TTL: variants seen among roughly 807,000 people sequenced by gnomAD.
The protein encoded by TTL is tubulin--tyrosine ligase.
Under a neutral mutation model 41.1 loss-of-function variants are expected in TTL, and 10 were observed. The observed-to-expected ratio is 0.24, with a 90% CI of 0.15 to 0.41. The LOEUF is 0.41. Ranked by LOEUF, TTL falls within the 10% of genes least tolerant of loss-of-function variation. The pLI is 1.00. For synonymous variants in TTL, 175 were observed against 175.5 expected, an observed-to-expected ratio of 1.00 and a Z score of 0.02; for missense variants, 367 against 460.4, an observed-to-expected ratio of 0.80 and a Z score of 1.86.
intron 2 of TTL, among the ~76,000 whole-genome samples, chr2:112,489,232 T>C (rs1456697125): frequency 6.6e-6 from 1 of 152,260 alleles, no homozygotes; most frequent in Non-Finnish European, 1.5e-5. Flanking sequence ...CTAATGTGAA[T>C]TTTACATATG....
Position 112,528,877 on chromosome 2 carries a change from C to G in TTL, c.*82C>G. Reference sequence around the variant, plus strand: ...TGAAATGACTGGATTGCTCTTTATCCAGCCCACAGCAGGGGAAAGAAAGGC... The same window carrying G: ...TGAAATGACTGGATTGCTCTTTATCGAGCCCACAGCAGGGGAAAGAAAGGC... On this transcript the variant is annotated 3_prime_UTR_variant, in exon 7 of 7. Transcript: ENST00000233336. 1 of 1,125,916 alleles carries G rather than the reference C, an allele frequency of 8.9e-7. No individual in the cohort carries two copies. The highest frequency in any genetic ancestry group is 1.3e-6 in the Non-Finnish European group (1 of 743,820). The allele number at this position is 1,125,916 out of a possible 1,614,324, so 69.7% of individuals were successfully genotyped here. A position where few individuals can be genotyped will look rare whatever the true frequency, so the allele number is the denominator to read the frequency against.
At chr2:112,489,191 AT>A (rs1450452365) in intron 2 of TTL, among the ~76,000 whole-genome samples, 1 of 152,222 alleles carries the variant, frequency 6.6e-6, no homozygotes, top group African/African-American at 2.4e-5. Context: ...AAGCTATTAT[AT>A]TTTACGTTCT....
At chr2:112,526,815 C>T (rs1574074102) in intron 6 of TTL, among the ~76,000 whole-genome samples, 1 of 152,236 alleles carries the variant, frequency 6.6e-6, no homozygotes, top group Middle Eastern at 3.4e-3. Context: ...TTAGTTATTT[C>T]TTGCCTTCTG....
At position 112,540,442 on chromosome 2, in the gene TTL, A is replaced by AC. The variant is rs1002510320; in HGVS notation, c.*11647_*11648insC. ...TCAAAAAAACAAAAAACAAAAAAAA[A>AC]AAAAAAAGAGAAAGAAATTGACAAG... is the stretch of plus-strand genomic sequence containing the variant. On this transcript the variant is annotated 3_prime_UTR_variant, in exon 7 of 7. Transcript: ENST00000233336. 1 of 128,356 alleles carries AC rather than the reference A, an allele frequency of 7.8e-6. No homozygotes were observed. The highest frequency in any genetic ancestry group is 2.5e-5 in the African/African-American group (1 of 40,646). The allele number at this position is 128,356 out of a possible 1,614,324, so 8.0% of individuals were successfully genotyped here. A position where few individuals can be genotyped will look rare whatever the true frequency, so the allele number is the denominator to read the frequency against.
At chr2:112,502,781 C>T in intron 4 of TTL, 131 bp from the exon 5 acceptor site, 1 of 893,356 alleles carries the variant, frequency 1.1e-6, no homozygotes, top group South Asian at 2.3e-5. Flanking sequence ...GTTTTAGAAA[C>T]TTCCTCCTTC....
At chr2:112,497,794 A>G (rs1432125332) in intron 3 of TTL, among the ~76,000 whole-genome samples, 2 of 152,176 alleles carry the variant, frequency 1.3e-5, no homozygotes, top group African/African-American at 4.8e-5. Flanking sequence ...TTATAAAGAA[A>G]GCATGAGATC....
chr2:112,509,342 C>T (rs1376097430), intron 5 of TTL, among the ~76,000 whole-genome samples: 1 of 151,700 alleles, frequency 6.6e-6, no homozygotes, highest in African/African-American at 2.4e-5. Flanking sequence ...GTGGGCTCCA[C>T]CCAGTTCGAG....
At chr2:112,528,603 C>A in intron 6 of TTL, 78 bp from the exon 7 acceptor site, 1 of 1,299,498 alleles carries the variant, frequency 7.7e-7, no homozygotes, top group East Asian at 2.4e-5. Context: ...AACCCTGTCT[C>A]AAAAACAAAA....
rs1341705000 is a variant in TTL at position 112,539,106 on chromosome 2, C to T, written c.*10311C>T. On this transcript the variant is annotated 3_prime_UTR_variant, in exon 7 of 7. Transcript: ENST00000233336. ...CACTCCAGCCTGGGTGACAGAGACT[C>T]TGTCTAAAAAAAAAAAAAAAAAAAA... 1 of 117,374 alleles carries T rather than the reference C, an allele frequency of 8.5e-6. No individual in the cohort carries two copies. Among genetic ancestry groups the T allele is most frequent in the African/African-American group, 3.5e-5 (1 of 28,266 alleles). 7.3% of individuals were successfully genotyped at this position (117,374 alleles called of 1,614,324 possible).
At chr2:112,496,669 G>C (rs1241629515) in intron 3 of TTL, among the ~76,000 whole-genome samples, 1 of 83,746 alleles carries the variant, frequency 1.2e-5, no homozygotes, top group Non-Finnish European at 2.4e-5. Flanking sequence ...ATGTGTCTGT[G>C]TGTGTGTGTG....
In TTL at chr2:112,501,262, C is replaced by G; in HGVS notation, c.526C>G (p.Gln176Glu). 1.2e-6 allele frequency: 2 copies of G among 1,613,772 alleles called. No individual in the cohort carries two copies. Among genetic ancestry groups the G allele is most frequent in the South Asian group, 1.1e-5 (1 of 91,054 alleles). Residue 176 changes from glutamine (Q) to glutamate (E), a missense_variant, in exon 4 of 7, where the codon CAG (glutamine) becomes GAG (glutamate). Coordinates refer to ENST00000233336, the MANE Select transcript of TTL (RefSeq NM_153712.5). ...AGAGCTTCTCGATTTCATAGACAACCAGGGCCAAGTGCACGTGATCCAGAA... is the reference window on the plus strand; with the variant it reads ...AGAGCTTCTCGATTTCATAGACAACGAGGGCCAAGTGCACGTGATCCAGAA... The part of the protein sequence containing the change: ...ASELLDFIDN[Q>E]GQVHVIQKYL...
chr2:112,525,927 C>T lies in TTL; in HGVS notation c.1020-2754C>T, dbSNP rs557361255. On this transcript the variant is annotated intron_variant, in intron 6 of 6. Transcript: ENST00000233336. ...AGTATGATATTGGCTGTGGGTTTGT[C>T]ATAGATAGCTCTTATTATTTTGAGA... Among the ~76,000 whole-genome samples the T allele has an allele frequency of 2.2e-3, 330 of 152,254 alleles. 2 individuals are homozygous for T. The highest frequency in any genetic ancestry group is 7.1e-3 in the African/African-American group (295 of 41,552).
intron 2 of TTL, among the ~76,000 whole-genome samples, chr2:112,490,878 T>C (rs1416524541): frequency 6.6e-6 from 1 of 152,068 alleles, no homozygotes; most frequent in Non-Finnish European, 1.5e-5. Context: ...CAGCCATAAA[T>C]CCATATTTTA....
Position 112,482,317 on chromosome 2 carries a change from CGGCGGCCCGG to C in TTL, c.-26_-17del. ...CCGCCTGGTCCCTGCGGCGGCTGCC[CGGCGGCCCGG>C]GCGCGCGGCGCTTCGCCATGTACAC... is the stretch of plus-strand genomic sequence containing the variant. On this transcript the variant is annotated 5_prime_UTR_variant, in exon 1 of 7. Coordinates refer to ENST00000233336, the MANE Select transcript of TTL (RefSeq NM_153712.5). The surrounding 1 kb of genome is among the most constrained non-coding windows in gnomAD (Gnocchi z 5.3). 6.8e-7 allele frequency: 1 copy of C among 1,465,812 alleles called. No individual in the cohort carries two copies. Among genetic ancestry groups the C allele is most frequent in the African/African-American group, 1.5e-5 (1 of 67,790 alleles). 90.8% of individuals were successfully genotyped at this position (1,465,812 alleles called of 1,614,324 possible).
chr2:112,523,332 C>T (rs6718503), intron 6 of TTL, among the ~76,000 whole-genome samples: 137,498 of 150,758 alleles, frequency 0.91, 63,506 homozygotes, highest in East Asian at 1. Context: ...AAGAAACTGT[C>T]TGTGGGTGTG....
chr2:112,505,600 G>C (rs1681791025), intron 5 of TTL, among the ~76,000 whole-genome samples: 1 of 2,958 alleles, frequency 3.4e-4, no homozygotes, highest in South Asian at 0.017. Context: ...GTTCACCCAT[G>C]ATTTGGCTCT....
Position 112,529,229 on chromosome 2 carries a change from C to G in TTL, c.*434C>G, listed in dbSNP as rs1682445850. On this transcript the variant is annotated 3_prime_UTR_variant, in exon 7 of 7. Transcript: ENST00000233336. ...TTGCCTGTGTGTTCCCCACCCATCCCTTCGGTAACACTCTGCCACACTAAG... is the reference window on the plus strand; with the variant it reads ...TTGCCTGTGTGTTCCCCACCCATCCGTTCGGTAACACTCTGCCACACTAAG... 16 of 283,674 alleles carry G rather than the reference C, an allele frequency of 5.6e-5. No individual in the cohort carries two copies. The East Asian group carries it at 8.4e-4, about 15-fold the overall frequency. 17.6% of individuals were successfully genotyped at this position (283,674 alleles called of 1,614,324 possible). A position where few individuals can be genotyped will look rare whatever the true frequency, so the allele number is the denominator to read the frequency against.
At position 112,535,086 on chromosome 2, in the gene TTL, GAA is replaced by G. The variant is rs1344752941; in HGVS notation, c.*6296_*6297del. On this transcript the variant is annotated 3_prime_UTR_variant, in exon 7 of 7. Coordinates refer to ENST00000233336, the MANE Select transcript of TTL (RefSeq NM_153712.5). ...GAAAAAAGAGAAAGAAGAAAGAAAA[GAA>G]AAAAGGAAAGAAAGTTAGTTTATAA... 1 of 151,586 alleles carries G rather than the reference GAA, an allele frequency of 6.6e-6. No individual in the cohort carries two copies. The highest frequency in any genetic ancestry group is 1.5e-5 in the Non-Finnish European group (1 of 67,896). 9.4% of individuals were successfully genotyped at this position (151,586 alleles called of 1,614,324 possible).
chr2:112,500,339 A>G (rs1342623983), intron 3 of TTL, among the ~76,000 whole-genome samples: 1 of 151,918 alleles, frequency 6.6e-6, no homozygotes, highest in African/African-American at 2.4e-5. Context: ...TTGGGAGGCC[A>G]AGGCAGGCAG....
Sources: allele counts gnomAD v4.1 joint callset (sites outside exome capture counted in the v4.1 genomes callset), GRCh38; gene constraint gnomAD v4.1.1; non-coding constraint Gnocchi (gnomAD v3.1); transcripts MANE v1.5; gene names NCBI Gene and HGNC (gene_info 2026-07-23, HGNC 2026-07-21).